CDH19: variants seen among roughly 807,000 people sequenced by gnomAD.
The protein encoded by CDH19 is cadherin-19.
In CDH19, 67 loss-of-function variants were observed where a neutral mutation model predicts 64.2. The ratio of observed to expected loss-of-function variants is 1.04; its 90% CI spans 0.86 to 1.28. CDH19 has a LOEUF of 1.28. Among genes scored for constraint, CDH19 ranks in the 50% most tolerant of loss-of-function variants. CDH19 has a pLI of 0.00. For missense variants in CDH19, 1,030 were observed against 929.0 expected, an observed-to-expected ratio of 1.11 and a Z score of -1.41; for synonymous variants, 346 against 319.3, an observed-to-expected ratio of 1.08 and a Z score of -0.89.
chr18:66,506,396 T>C (rs913136966), intron 11 of CDH19, among the ~76,000 whole-genome samples: 6 of 151,976 alleles, frequency 3.9e-5, no homozygotes, highest in African/African-American at 1.2e-4. Context: ...ATACACTATA[T>C]ACAGGTATTG....
chr18:66,577,018 C>T (rs1392166803), intron 1 of CDH19, among the ~76,000 whole-genome samples: 2 of 151,420 alleles, frequency 1.3e-5, no homozygotes, highest in African/African-American at 2.4e-5. Context: ...ATGTGCAATA[C>T]CTCTCTATTG....
intron 1 of CDH19, among the ~76,000 whole-genome samples, chr18:66,578,501 CT>C (rs1192388992): frequency 6.6e-6 from 1 of 151,744 alleles, no homozygotes; most frequent in Admixed American, 6.6e-5. Context: ...CATAGAGCAA[CT>C]GTACCTCTCA....
intron 1 of CDH19, among the ~76,000 whole-genome samples, chr18:66,602,386 C>G (rs1204808613): frequency 6.6e-6 from 1 of 151,850 alleles, no homozygotes; most frequent in Admixed American, 6.6e-5. Flanking sequence ...GATCTGGTTT[C>G]TTAATAATGC....
At chr18:66,592,684 A>G (rs1008386344) in intron 1 of CDH19, among the ~76,000 whole-genome samples, 4 of 152,032 alleles carry the variant, frequency 2.6e-5, no homozygotes, top group African/African-American at 7.2e-5. Context: ...AATGCAGTCC[A>G]GGTTCATCCA....
At chr18:66,574,825 T>A (rs1359054752) in intron 1 of CDH19, among the ~76,000 whole-genome samples, 1 of 151,808 alleles carries the variant, frequency 6.6e-6, no homozygotes, top group Non-Finnish European at 1.5e-5. Context: ...GATAAAGTTG[T>A]TAGCAGATGT....
Position 66,579,365 on chromosome 18 carries a change from A to G in CDH19, c.-112-7049T>C, listed in dbSNP as rs544941431. Among the ~76,000 whole-genome samples, 3 of 152,054 alleles carry G rather than the reference A, an allele frequency of 2.0e-5. No homozygotes were observed. The South Asian group carries it at 6.2e-4, about 32-fold the overall frequency. ...AAAAGAACAAATTAAACAGGAAACAAAGTAAACAAAGTAAAAGGAAACAAT... is the reference window on the plus strand; with the variant it reads ...AAAAGAACAAATTAAACAGGAAACAGAGTAAACAAAGTAAAAGGAAACAAT... On this transcript the variant is annotated intron_variant, in intron 1 of 11. Transcript: ENST00000262150.
intron 7 of CDH19, among the ~76,000 whole-genome samples, chr18:66,537,402 T>C (rs879258594): frequency 6.6e-6 from 1 of 151,956 alleles, no homozygotes; most frequent in Non-Finnish European, 1.5e-5. Context: ...AACACAGACA[T>C]GATATACTTT....
rs183930295 is a variant in CDH19 at position 66,590,184 on chromosome 18, T to C, written c.-113+13770A>G. On this transcript the variant is annotated intron_variant, in intron 1 of 11. Coordinates refer to ENST00000262150, the MANE Select transcript of CDH19 (RefSeq NM_021153.4). ...CTACTGATTCATGAGCTGGGTATTTTTTTTAACAAGCCTCAAAGATGACTT... is the reference window on the plus strand; with the variant it reads ...CTACTGATTCATGAGCTGGGTATTTCTTTTAACAAGCCTCAAAGATGACTT... Among the ~76,000 whole-genome samples, 28 of 152,032 alleles carry C rather than the reference T, an allele frequency of 1.8e-4. No homozygotes were observed. In the East Asian group the frequency reaches 4.6e-3, roughly 25 times the overall value.
At chr18:66,594,672 G>T (rs1988834444) in intron 1 of CDH19, among the ~76,000 whole-genome samples, 1 of 151,686 alleles carries the variant, frequency 6.6e-6, no homozygotes, top group African/African-American at 2.4e-5. Context: ...ATACTATGCA[G>T]CCATAAAAAA....
chr18:66,527,809 C>T (rs2144407675), intron 9 of CDH19, among the ~76,000 whole-genome samples: 1 of 152,004 alleles, frequency 6.6e-6, no homozygotes, highest in African/African-American at 2.4e-5. Flanking sequence ...CCACATGGGA[C>T]ATTTACAGAA....
At chr18:66,539,484 A>C (rs1033855070) in intron 7 of CDH19, among the ~76,000 whole-genome samples, 1 of 152,076 alleles carries the variant, frequency 6.6e-6, no homozygotes, top group East Asian at 1.9e-4. Context: ...ATAATAAGTT[A>C]ATTTTGAATA....
chr18:66,510,439 C>T (rs1272512246), intron 10 of CDH19, among the ~76,000 whole-genome samples: 1 of 148,320 alleles, frequency 6.7e-6, no homozygotes. Context: ...TCTATATATA[C>T]AAATATCAAT....
Position 66,504,160 on chromosome 18 carries a change from A to T in CDH19, c.*652T>A, listed in dbSNP as rs951553763. 1.3e-5 allele frequency: 2 copies of T among 152,006 alleles called. No individual in the cohort carries two copies. Among genetic ancestry groups the T allele is most frequent in the African/African-American group, 2.4e-5 (1 of 41,546 alleles). 9.4% of individuals were successfully genotyped at this position (152,006 alleles called of 1,614,324 possible). On this transcript the variant is annotated 3_prime_UTR_variant, in exon 12 of 12. Coordinates refer to ENST00000262150, the MANE Select transcript of CDH19 (RefSeq NM_021153.4). ...GTCATATGCCAGAGCTGGTTTTATAAGGCTTTTATTCATACAAAAGTTCTG... is the reference window on the plus strand; with the variant it reads ...GTCATATGCCAGAGCTGGTTTTATATGGCTTTTATTCATACAAAAGTTCTG...
chr18:66,528,923 C>T (rs1278400578), intron 9 of CDH19, among the ~76,000 whole-genome samples: 2 of 151,890 alleles, frequency 1.3e-5, no homozygotes, highest in African/African-American at 4.8e-5. Flanking sequence ...GAACTCTAGA[C>T]TGTAAAATTT....
rs1178290913 is a variant in CDH19 at position 66,544,022 on chromosome 18, A to G, written c.1163T>C (p.Phe388Ser). 2 of 1,613,668 alleles carry G rather than the reference A, an allele frequency of 1.2e-6. No individual in the cohort carries two copies. Among genetic ancestry groups the G allele is most frequent in the Non-Finnish European group, 8.5e-7 (1 of 1,179,700 alleles). ...GTCTGTGGCAGACACCACGCCTACA[A>G]ATGATCCCTGTGGGGTTTCTTCAAA... ...EVFEETPQGS[F>S]VGVVSATDPD... The change falls in exon 7 of 12, where the codon TTT (phenylalanine) becomes TCT (serine). Residue 388 changes from phenylalanine (F) to serine (S), a missense_variant. By Grantham distance (155) the Phe-to-Ser change is radical. Coordinates refer to ENST00000262150, the MANE Select transcript of CDH19 (RefSeq NM_021153.4).
intron 6 of CDH19, 92 bp from the exon 7 acceptor site, chr18:66,544,316 A>C (rs951954522): frequency 3.3e-6 from 4 of 1,217,110 alleles, no homozygotes; most frequent in Non-Finnish European, 4.5e-6. Context: ...ATTAAGTCTC[A>C]GTGGCCTTTC....
chr18:66,589,431 T>C (rs1988679262), intron 1 of CDH19, among the ~76,000 whole-genome samples: 2 of 151,920 alleles, frequency 1.3e-5, no homozygotes, highest in African/African-American at 4.8e-5. Context: ...TGAAACTCTT[T>C]TTAGCCACTG....
At chr18:66,586,061 ATTAT>A (rs1335596580) in intron 1 of CDH19, among the ~76,000 whole-genome samples, 1 of 152,110 alleles carries the variant, frequency 6.6e-6, no homozygotes, top group African/African-American at 2.4e-5. Flanking sequence ...CATAAAGCTA[ATTAT>A]TCCATCTGTG....
intron 1 of CDH19, among the ~76,000 whole-genome samples, chr18:66,589,995 A>C (rs918636408): frequency 2.0e-5 from 3 of 151,890 alleles, no homozygotes; most frequent in African/African-American, 7.2e-5. Flanking sequence ...ACCTCATTAT[A>C]TTTAGTTTAA....
Sources: gnomAD v4.1 joint callset for allele counts (sites outside exome capture counted in the v4.1 genomes callset) on GRCh38, gnomAD v4.1.1 for gene constraint, MANE v1.5 for transcripts, NCBI Gene and HGNC (gene_info 2026-07-23, HGNC 2026-07-21) for gene names.